Variants in RPN2 observed in about 807,000 individuals in gnomAD.
RPN2 encodes the protein dolichyl-diphosphooligosaccharide--protein glycosyltransferase subunit 2.
Under a neutral mutation model 71.4 loss-of-function variants are expected in RPN2, and 29 were observed. That is an observed-to-expected ratio of 0.41 (90% CI 0.30 to 0.55). The LOEUF is 0.55. RPN2 is among the 20% of genes least tolerant of loss of function. The pLI is 0.35. For synonymous variants in RPN2, 308 were observed against 305.0 expected (o/e 1.01, Z -0.10); for missense variants, 726 against 774.1 (o/e 0.94, Z 0.74).
At chr20:37,190,115 G>T (rs1040274453) in intron 2 of RPN2, among the ~76,000 whole-genome samples, 1 of 152,228 alleles carries the variant, frequency 6.6e-6, no homozygotes, top group African/African-American at 2.4e-5. Context: ...GGAACCACAG[G>T]ATTCGGTGTA....
chr20:37,179,517 G>T, intron 1 of RPN2, 148 bp downstream of exon 1: 1 of 1,408,004 alleles, frequency 7.1e-7, no homozygotes, highest in Non-Finnish European at 9.3e-7. Flanking sequence ...TCGGATCGAG[G>T]GTCCGAAGGA....
At chr20:37,234,376 C>A (rs2068327350) in intron 15 of RPN2, among the ~76,000 whole-genome samples, 1 of 152,226 alleles carries the variant, frequency 6.6e-6, no homozygotes, top group African/African-American at 2.4e-5. Flanking sequence ...AGAGATTACT[C>A]ACTTATCGTA....
At chr20:37,192,181 C>G (rs1450891631) in intron 2 of RPN2, among the ~76,000 whole-genome samples, 2 of 152,134 alleles carry the variant, frequency 1.3e-5, no homozygotes, top group Non-Finnish European at 2.9e-5. Flanking sequence ...GTGTAAAGTG[C>G]TTAGTGTAGT....
In RPN2 at chr20:37,182,837, C is replaced by G. The variant is rs1234351258; in HGVS notation, c.14-1343C>G. On this transcript the variant is annotated intron_variant, in intron 1 of 16. Coordinates refer to ENST00000237530, the MANE Select transcript of RPN2 (RefSeq NM_002951.5). ...GACAATGCACTTTATCAAGAAGCAG[C>G]CCATTCAAAAGTGTTTTTTGTTTTG... Among the ~76,000 whole-genome samples, 6 of 152,186 alleles carry G rather than the reference C, an allele frequency of 3.9e-5. No homozygotes were observed. In the East Asian group the frequency reaches 1.2e-3, roughly 29 times the overall value.
At chr20:37,188,651 T>C (rs1445955333) in intron 2 of RPN2, among the ~76,000 whole-genome samples, 2 of 149,364 alleles carry the variant, frequency 1.3e-5, no homozygotes, top group Admixed American at 6.7e-5. Context: ...AAGGCCTCGC[T>C]CTGTTGCCCA....
chr20:37,204,938 G>A, intron 6 of RPN2, 37 bp downstream of exon 6: 1 of 1,613,896 alleles, frequency 6.2e-7, no homozygotes, highest in Non-Finnish European at 8.5e-7. Context: ...GAAACCCAAA[G>A]GGGTCATCAG....
chr20:37,224,225 C>T (rs942579055), intron 10 of RPN2, among the ~76,000 whole-genome samples: 2 of 152,206 alleles, frequency 1.3e-5, no homozygotes, highest in South Asian at 2.1e-4. Context: ...CGAGGTAAAG[C>T]GCTTACCTCA....
chr20:37,179,639 C>T (rs1277849549), intron 1 of RPN2: 5 of 730,304 alleles, frequency 6.8e-6, no homozygotes, highest in South Asian at 2.6e-5. Context: ...ACCGCGGACG[C>T]GCTTAGCCTA....
At chr20:37,238,692 C>T (rs2068470822) in intron 16 of RPN2, 2 of 733,336 alleles carry the variant, frequency 2.7e-6, no homozygotes, top group South Asian at 1.4e-5. Flanking sequence ...TTTGGCCTGG[C>T]TTTGACTGTA....
At chr20:37,203,720 A>G (rs2067447166) in intron 4 of RPN2, among the ~76,000 whole-genome samples, 165 bp from the exon 5 acceptor site, 1 of 152,178 alleles carries the variant, frequency 6.6e-6, no homozygotes, top group South Asian at 2.1e-4. Flanking sequence ...AGGTTTTGTC[A>G]CATCTGTCCT....
intron 1 of RPN2, chr20:37,179,608 C>T (rs977584080): frequency 1.6e-5 from 17 of 1,054,092 alleles, no homozygotes; most frequent in Admixed American, 3.3e-5. Flanking sequence ...CTACGGGTCG[C>T]CCCGAGGCTC....
intron 10 of RPN2, among the ~76,000 whole-genome samples, chr20:37,224,619 A>C (rs2068036586): frequency 6.6e-6 from 1 of 152,178 alleles, no homozygotes; most frequent in African/African-American, 2.4e-5. Context: ...AGACACTAAC[A>C]ATTGAACAGA....
At chr20:37,224,027 A>G in intron 10 of RPN2, 58 bp downstream of exon 10, 5 of 1,441,492 alleles carry the variant, frequency 3.5e-6, no homozygotes, top group Non-Finnish European at 3.9e-6. Flanking sequence ...TGAGAGGAGT[A>G]TGCCTAGGCA....
intron 8 of RPN2, among the ~76,000 whole-genome samples, chr20:37,211,597 G>A (rs1222536273): frequency 6.7e-6 from 1 of 149,894 alleles, no homozygotes; most frequent in Non-Finnish European, 1.5e-5. Context: ...AGCTGAGAAC[G>A]CGCCATTGCA....
chr20:37,231,475 TTGCTTTGCAGGG>T (rs2068243846), intron 13 of RPN2, among the ~76,000 whole-genome samples: 1 of 152,116 alleles, frequency 6.6e-6, no homozygotes, highest in Admixed American at 6.6e-5. Context: ...CACGCGAATC[TTGCTTTGCAGGG>T]CCAAGGAGGG....
chr20:37,228,302 CA>C (rs1318915522), intron 11 of RPN2, among the ~76,000 whole-genome samples: 1 of 152,172 alleles, frequency 6.6e-6, no homozygotes, highest in East Asian at 1.9e-4. Context: ...AGTCAGCCTC[CA>C]ACTAGTCGAG....
Position 37,241,286 on chromosome 20 carries a change from T to A in RPN2, c.1884-17T>A. Reference sequence around the variant, plus strand: ...GAAACCTTCAGTAATTCTGTGTTTGTCTCCATTTTCTTTCAGAACAGCACA... The same window carrying A: ...GAAACCTTCAGTAATTCTGTGTTTGACTCCATTTTCTTTCAGAACAGCACA... On this transcript the variant is annotated splice_polypyrimidine_tract_variant and intron_variant, in intron 16 of 16. Coordinates refer to ENST00000237530, the MANE Select transcript of RPN2 (RefSeq NM_002951.5). 1 of 1,612,380 alleles carries A rather than the reference T, an allele frequency of 6.2e-7. No homozygotes were observed. Among genetic ancestry groups the A allele is most frequent in the Non-Finnish European group, 8.5e-7 (1 of 1,179,028 alleles).
intron 5 of RPN2, 54 bp from the exon 6 acceptor site, chr20:37,204,713 A>G (rs1438149805): frequency 2.7e-5 from 44 of 1,608,394 alleles, no homozygotes; most frequent in Non-Finnish European, 3.5e-5. Context: ...TGGTTCGTGC[A>G]TCTCATTTCT....
At chr20:37,230,539 A>C (rs1412709020) in intron 13 of RPN2, among the ~76,000 whole-genome samples, 3 of 152,246 alleles carry the variant, frequency 2.0e-5, no homozygotes, top group African/African-American at 7.2e-5. Context: ...AGATGAGTGA[A>C]GAAAGGCTTT....
Sources: gnomAD v4.1 joint callset for allele counts (sites outside exome capture counted in the v4.1 genomes callset) on GRCh38, gnomAD v4.1.1 for gene constraint, MANE v1.5 for transcripts, NCBI Gene and HGNC (gene_info 2026-07-23, HGNC 2026-07-21) for gene names.